MRPS9: variants seen among roughly 807,000 people sequenced by gnomAD.
MRPS9 encodes the protein mitochondrial ribosomal protein S9, also known as small ribosomal subunit protein uS9m.
Under a neutral mutation model 59.9 loss-of-function variants are expected in MRPS9, and 45 were observed. The observed-to-expected ratio is 0.75, with a 90% confidence interval of 0.59 to 0.96. The LOEUF (loss-of-function observed/expected upper bound fraction) is 0.96, where lower values mean the gene tolerates loss of function less well. MRPS9 is among the 40% of genes least tolerant of loss of function. MRPS9 has a pLI of 0.00. For synonymous variants in MRPS9, 171 were observed against 166.8 expected, an observed-to-expected ratio of 1.03 and a Z score of -0.19; for missense variants, 473 against 481.1, an observed-to-expected ratio of 0.98 and a Z score of 0.16.
chr2:105,072,376 A>AT, intron 4 of MRPS9, among the ~76,000 whole-genome samples: 1 of 150,738 alleles, frequency 6.6e-6, no homozygotes, highest in South Asian at 2.1e-4. Context: ...ATTTCTACAG[A>AT]TTCTTCCCAT....
chr2:105,052,560 CTAAT>C (rs1287329080), intron 2 of MRPS9, among the ~76,000 whole-genome samples: 1 of 151,998 alleles, frequency 6.6e-6, no homozygotes, highest in African/African-American at 2.4e-5. Flanking sequence ...ATTTTTATGT[CTAAT>C]TGATATTGGT....
At chr2:105,079,884 C>T (rs1680293944) in intron 4 of MRPS9, 99 bp from the exon 5 acceptor site, 2 of 643,966 alleles carry the variant, frequency 3.1e-6, no homozygotes. Context: ...TTTTTTATTA[C>T]TCAATTATAA....
intron 7 of MRPS9, among the ~76,000 whole-genome samples, chr2:105,090,883 A>G (rs1680544499): frequency 6.6e-6 from 1 of 152,196 alleles, no homozygotes; most frequent in Non-Finnish European, 1.5e-5. Context: ...TTAATGTATT[A>G]TAGAAATTAA....
At chr2:105,084,969 A>G (rs976909991) in intron 5 of MRPS9, among the ~76,000 whole-genome samples, 2 of 152,204 alleles carry the variant, frequency 1.3e-5, no homozygotes, top group Admixed American at 6.5e-5. Context: ...TATAATTACT[A>G]TAATATATGA....
intron 5 of MRPS9, among the ~76,000 whole-genome samples, chr2:105,082,209 G>T (rs570521996): frequency 1.3e-5 from 2 of 152,332 alleles, no homozygotes; most frequent in South Asian, 2.1e-4. Context: ...AGTTGGAAAT[G>T]AATCCTTGTT....
intron 2 of MRPS9, among the ~76,000 whole-genome samples, chr2:105,067,739 A>AGTGTGT (rs113470512): frequency 0.19 from 28,270 of 148,434 alleles, 2,781 homozygotes; most frequent in Middle Eastern, 0.33. Context: ...CCTTCTCCTG[A>AGTGTGT]GTGTGTGTGT....
At position 105,049,337 on chromosome 2, in the gene MRPS9, A is replaced by G. The variant is rs1251145037; in HGVS notation, c.302A>G (p.Gln101Arg). The part of the protein sequence containing the change: ...MMGEDPETFT[Q>R]EDIDRAIAYL... ...GGAGAAGATCCAGAAACTTTCACTCAAGAAGATATTGACGTAAGTACAGTT... is the reference window on the plus strand; with the variant it reads ...GGAGAAGATCCAGAAACTTTCACTCGAGAAGATATTGACGTAAGTACAGTT... The change falls in exon 2 of 11, where the codon CAA becomes CGA. Residue 101 changes from glutamine (Q) to arginine (R), a missense_variant. By Grantham distance (43) the Gln-to-Arg change is conservative. Coordinates refer to ENST00000258455, the MANE Select transcript of MRPS9 (RefSeq NM_182640.3). 1 of 1,610,686 alleles carries G rather than the reference A, an allele frequency of 6.2e-7. No individual in the cohort carries two copies. Among genetic ancestry groups the G allele is most frequent in the Non-Finnish European group, 8.5e-7 (1 of 1,179,144 alleles).
chr2:105,054,077 G>T (rs73945017), intron 2 of MRPS9, among the ~76,000 whole-genome samples: 1 of 152,018 alleles, frequency 6.6e-6, no homozygotes, highest in African/African-American at 2.4e-5. Context: ...CAGGACCTGG[G>T]ATTTAGAGAT....
chr2:105,084,997 T>G (rs1458978116), intron 5 of MRPS9, among the ~76,000 whole-genome samples: 1 of 152,196 alleles, frequency 6.6e-6, no homozygotes. Context: ...TTAATTTGAA[T>G]AGTAAAAATA....
intron 2 of MRPS9, among the ~76,000 whole-genome samples, chr2:105,062,167 T>C (rs1679919529): frequency 6.6e-6 from 1 of 152,104 alleles, no homozygotes; most frequent in South Asian, 2.1e-4. Flanking sequence ...CTGTCTGTCT[T>C]TCTCTCTTAC....
At chr2:105,051,417 C>A (rs1017525664) in intron 2 of MRPS9, among the ~76,000 whole-genome samples, 1 of 152,140 alleles carries the variant, frequency 6.6e-6, no homozygotes, top group African/African-American at 2.4e-5. Context: ...TATGCCAGTA[C>A]CACTTTGTCT....
At chr2:105,081,547 C>T (rs59733264) in intron 5 of MRPS9, among the ~76,000 whole-genome samples, 32,939 of 152,058 alleles carry the variant, frequency 0.22, 3,636 homozygotes, top group Middle Eastern at 0.35. Flanking sequence ...TGGCTGAAAC[C>T]GAGCAACCCA....
At chr2:105,057,606 A>C (rs796906799) in intron 2 of MRPS9, among the ~76,000 whole-genome samples, 1 of 152,206 alleles carries the variant, frequency 6.6e-6, no homozygotes, top group Admixed American at 6.5e-5. Context: ...GCAAGTGCCA[A>C]TGGAACTTTA....
At chr2:105,056,949 A>G (rs1340893644) in intron 2 of MRPS9, among the ~76,000 whole-genome samples, 1 of 152,090 alleles carries the variant, frequency 6.6e-6, no homozygotes, top group East Asian at 1.9e-4. Context: ...GATTCTATAT[A>G]TTTCAGAATT....
chr2:105,099,381 G>A, intron 10 of MRPS9: 1 of 252,188 alleles, frequency 4.0e-6, no homozygotes, highest in Non-Finnish European at 7.7e-6. Flanking sequence ...TCTCACTTAG[G>A]TTGAGCAAGC....
intron 2 of MRPS9, among the ~76,000 whole-genome samples, chr2:105,062,694 T>G (rs1365180389): frequency 6.6e-6 from 1 of 152,204 alleles, no homozygotes; most frequent in Non-Finnish European, 1.5e-5. Flanking sequence ...GTTGCATGAT[T>G]AAAATTAATT....
chr2:105,054,510 G>T (rs995958905), intron 2 of MRPS9, among the ~76,000 whole-genome samples: 1 of 152,232 alleles, frequency 6.6e-6, no homozygotes, highest in African/African-American at 2.4e-5. Context: ...TAATTCTGCT[G>T]TGCTAGACTT....
At chr2:105,082,523 G>C (rs530002257) in intron 5 of MRPS9, among the ~76,000 whole-genome samples, 15 of 152,198 alleles carry the variant, frequency 9.9e-5, no homozygotes, top group Non-Finnish European at 2.1e-4. Context: ...TGGCCCTGAT[G>C]CACCTTGCAG....
chr2:105,053,095 G>A (rs1041499936), intron 2 of MRPS9, among the ~76,000 whole-genome samples: 35 of 152,120 alleles, frequency 2.3e-4, no homozygotes, highest in African/African-American at 8.2e-4. Flanking sequence ...TGTACATGGG[G>A]CATATGTAGC....
Sources: gnomAD v4.1 joint callset for allele counts (sites outside exome capture counted in the v4.1 genomes callset) on GRCh38, gnomAD v4.1.1 for gene constraint, MANE v1.5 for transcripts, NCBI Gene and HGNC (gene_info 2026-07-23, HGNC 2026-07-21) for gene names.